The following C1orf141 variants were observed in gnomAD, a reference collection of about 807,000 sequenced individuals.
C1orf141 encodes the protein uncharacterized protein C1orf141.
Under a neutral mutation model 23.2 loss-of-function variants are expected in C1orf141, and 19 were observed. The ratio of observed to expected loss-of-function variants is 0.82; its 90% CI spans 0.57 to 1.20. The LOEUF is 1.20. Ranked by LOEUF, C1orf141 falls within the 50% of genes most tolerant of loss-of-function variation. The pLI is 0.00. For missense variants in C1orf141, 469 were observed against 455.1 expected (o/e 1.03, Z -0.28); for synonymous variants, 153 against 154.6 (o/e 0.99, Z 0.08).
At chr1:67,141,495 T>G (rs930282487) in intron 1 of C1orf141, among the ~76,000 whole-genome samples, 9 of 152,038 alleles carry the variant, frequency 5.9e-5, no homozygotes, top group Non-Finnish European at 1.0e-4. Context: ...CAGGGACTCA[T>G]GTCTATAATC....
At chr1:67,102,109 A>T (rs993691108) in intron 5 of C1orf141, among the ~76,000 whole-genome samples, 1 of 152,206 alleles carries the variant, frequency 6.6e-6, no homozygotes, top group African/African-American at 2.4e-5. Flanking sequence ...GGTGAGCTAC[A>T]AACCATTCAT....
At chr1:67,095,970 T>A (rs980574720) in intron 6 of C1orf141, 2 of 228,968 alleles carry the variant, frequency 8.7e-6, no homozygotes, top group Non-Finnish European at 1.7e-5. Context: ...AAAGAAAAGC[T>A]ACTTTTTCAT....
At chr1:67,136,212 T>C (rs1391059725), upstream of C1orf141, among the ~76,000 whole-genome samples, 1 of 152,136 alleles carries the variant, frequency 6.6e-6, no homozygotes, top group Non-Finnish European at 1.5e-5. Context: ...TTTTTATTTT[T>C]ATTTTTTTGT....
intron 5 of C1orf141, among the ~76,000 whole-genome samples, chr1:67,113,150 T>C (rs190078437): frequency 8.5e-4 from 129 of 151,832 alleles, no homozygotes; most frequent in African/African-American, 3.0e-3. Flanking sequence ...CGGCTAATTT[T>C]TGTATTTTTA....
chr1:67,114,541 A>G (rs974013644), intron 5 of C1orf141, among the ~76,000 whole-genome samples: 2 of 152,220 alleles, frequency 1.3e-5, no homozygotes, highest in Non-Finnish European at 2.9e-5. Flanking sequence ...AAGAAACCTC[A>G]GTTAAGAAGG....
At chr1:67,096,046 AT>A (rs1645673156) in intron 6 of C1orf141, 2 of 364,084 alleles carry the variant, frequency 5.5e-6, no homozygotes, top group Non-Finnish European at 1.0e-5. Context: ...CCCTCTATTC[AT>A]TTTTCCATGC....
rs996942245 is a variant in C1orf141, at chr1:67,092,497, T to C, written c.*508A>G. ...CCAACAGCTACTAATGACAATAAAA[T>C]CTATTCAAAGTTTTACAAAGCCCTT... On this transcript the variant is annotated 3_prime_UTR_variant, in exon 8 of 8. Coordinates refer to ENST00000684719, the MANE Select transcript of C1orf141 (RefSeq NM_001276351.2). The C allele has an allele frequency of 6.6e-6, 1 of 152,262 alleles. No individual in the cohort carries two copies. Among genetic ancestry groups the C allele is most frequent in the Non-Finnish European group, 1.5e-5 (1 of 68,028 alleles). The allele number at this position is 152,262 out of a possible 1,614,324, so 9.4% of individuals were successfully genotyped here. A position where few individuals can be genotyped will look rare whatever the true frequency, so the allele number is the denominator to read the frequency against.
upstream of C1orf141, among the ~76,000 whole-genome samples, chr1:67,136,456 G>A (rs12568393): frequency 0.037 from 5,695 of 152,248 alleles, 101 homozygotes; most frequent in East Asian, 0.074. Flanking sequence ...TAAGATTGTT[G>A]TAATACCTTC....
chr1:67,103,423 T>C (rs1236826484), intron 5 of C1orf141: 11 of 1,228,722 alleles, frequency 9.0e-6, no homozygotes, highest in Non-Finnish European at 1.2e-5. Flanking sequence ...TAGAAACTAT[T>C]TCTTTCCGTG....
At chr1:67,116,450 C>T (rs1294573501) in intron 4 of C1orf141, among the ~76,000 whole-genome samples, 1 of 151,924 alleles carries the variant, frequency 6.6e-6, no homozygotes, top group Non-Finnish European at 1.5e-5. Flanking sequence ...CTCTAGCCTT[C>T]TTCTGTTTGC....
At chr1:67,100,806 A>C (rs1645779979) in intron 5 of C1orf141, among the ~76,000 whole-genome samples, 1 of 152,204 alleles carries the variant, frequency 6.6e-6, no homozygotes. Flanking sequence ...AGAAATTAAT[A>C]TGTAAATCCA....
chr1:67,141,100 T>C (rs1157762012), intron 1 of C1orf141, among the ~76,000 whole-genome samples: 1 of 152,168 alleles, frequency 6.6e-6, no homozygotes, highest in African/African-American at 2.4e-5. Context: ...AAAATGTGTA[T>C]GATATTGTGT....
intron 1 of C1orf141, among the ~76,000 whole-genome samples, chr1:67,134,042 A>T (rs1323562490): frequency 6.6e-6 from 1 of 152,122 alleles, no homozygotes; most frequent in African/African-American, 2.4e-5. Flanking sequence ...TGATTCTGTC[A>T]CCCAGGCTGG....
chr1:67,124,529 G>A (rs1378524038), intron 4 of C1orf141, among the ~76,000 whole-genome samples: 1 of 152,100 alleles, frequency 6.6e-6, no homozygotes, highest in East Asian at 1.9e-4. Context: ...ATGTTGCTCA[G>A]GCTGGTCTCA....
chr1:67,101,071 CAAGT>C (rs564967182), intron 5 of C1orf141, among the ~76,000 whole-genome samples: 4 of 152,016 alleles, frequency 2.6e-5, no homozygotes, highest in Middle Eastern at 3.2e-3. Context: ...GGAATTTAGT[CAAGT>C]AAGGGCCTCA....
At chr1:67,113,790 A>G in intron 5 of C1orf141, 2 of 1,026,312 alleles carry the variant, frequency 1.9e-6, no homozygotes, top group Non-Finnish European at 2.7e-6. Context: ...TGGATTAGAG[A>G]TTTTTGCTAC....
At chr1:67,121,505 G>C (rs931026906) in intron 4 of C1orf141, 1 of 152,168 alleles carries the variant, frequency 6.6e-6, no homozygotes, top group East Asian at 1.9e-4. Context: ...GAGATGTGTA[G>C]TAGCATACTG....
chr1:67,103,380 C>T (rs1217786640), intron 5 of C1orf141: 2 of 1,363,926 alleles, frequency 1.5e-6, no homozygotes, highest in Non-Finnish European at 1.9e-6. Flanking sequence ...CTGCATTTTC[C>T]ATCTAAACAT....
chr1:67,131,436 G>A (rs3762318), intron 1 of C1orf141, among the ~76,000 whole-genome samples: 126,373 of 151,994 alleles, frequency 0.83, 52,539 homozygotes, highest in South Asian at 0.92. Context: ...ACAAACAAAC[G>A]CAATGCCATC....
Sources: allele counts gnomAD v4.1 joint callset (sites outside exome capture counted in the v4.1 genomes callset), GRCh38; gene constraint gnomAD v4.1.1; transcripts MANE v1.5; gene names NCBI Gene and HGNC (gene_info 2026-07-23, HGNC 2026-07-21).